Variants in TMEM132D observed in about 807,000 individuals in gnomAD.
The protein encoded by TMEM132D is mature OL transmembrane protein.
In TMEM132D, 21 loss-of-function variants were observed where a neutral mutation model predicts 62.3. The observed-to-expected ratio is 0.34, with a 90% CI of 0.24 to 0.49. The LOEUF (loss-of-function observed/expected upper bound fraction) is 0.49. Ranked by LOEUF, TMEM132D falls within the 20% of genes least tolerant of loss-of-function variation. TMEM132D has a pLI of 0.99. For synonymous variants in TMEM132D, 621 were observed against 575.6 expected (o/e 1.08, Z -1.13); for missense variants, 1,346 against 1,402.8 (o/e 0.96, Z 0.65).
At chr12:129,734,350 CAA>C (rs1261729375) in intron 1 of TMEM132D, among the ~76,000 whole-genome samples, 1 of 152,134 alleles carries the variant, frequency 6.6e-6, no homozygotes, top group African/African-American at 2.4e-5. Context: ...CTCCTTTAAC[CAA>C]AATCCTACTC....
chr12:129,318,740 G>A (rs1868572959), intron 4 of TMEM132D, among the ~76,000 whole-genome samples: 1 of 152,148 alleles, frequency 6.6e-6, no homozygotes, highest in South Asian at 2.1e-4. Flanking sequence ...TTAGGTGGGG[G>A]CAGGGCTAGG....
chr12:129,427,118 A>G (rs755917304), intron 3 of TMEM132D, among the ~76,000 whole-genome samples: 2 of 152,182 alleles, frequency 1.3e-5, no homozygotes, highest in East Asian at 1.9e-4. Flanking sequence ...TCAGTGCTCA[A>G]ATATACTCTT....
chr12:129,507,531 G>A (rs1398693265), intron 3 of TMEM132D, among the ~76,000 whole-genome samples: 3 of 152,182 alleles, frequency 2.0e-5, no homozygotes, highest in Admixed American at 6.5e-5. Context: ...TCAGCCATAA[G>A]AAGTAATGAA....
intron 2 of TMEM132D, among the ~76,000 whole-genome samples, chr12:129,602,734 C>T (rs999368995): frequency 6.6e-6 from 1 of 152,166 alleles, no homozygotes; most frequent in African/African-American, 2.4e-5. Context: ...TTATCACCAT[C>T]CCCCACCAGA....
intron 1 of TMEM132D, among the ~76,000 whole-genome samples, chr12:129,785,900 C>T (rs151283031): frequency 6.6e-6 from 1 of 152,062 alleles, no homozygotes; most frequent in East Asian, 1.9e-4. Flanking sequence ...TCAGATAAAA[C>T]ATAATTTTAT....
intron 5 of TMEM132D, among the ~76,000 whole-genome samples, chr12:129,138,350 C>T (rs1006628297): frequency 1.3e-5 from 2 of 152,190 alleles, no homozygotes; most frequent in African/African-American, 4.8e-5. Context: ...CAAGGACCTT[C>T]AATTTGCAAA....
intron 1 of TMEM132D, among the ~76,000 whole-genome samples, chr12:129,712,787 G>C (rs1363535703): frequency 6.6e-6 from 1 of 152,148 alleles, no homozygotes; most frequent in South Asian, 2.1e-4. Flanking sequence ...TGTGGGCTGC[G>C]TCCTCTCCTT....
chr12:129,243,152 G>C (rs1879980729), intron 4 of TMEM132D, among the ~76,000 whole-genome samples: 1 of 152,166 alleles, frequency 6.6e-6, no homozygotes, highest in African/African-American at 2.4e-5. Context: ...ATATACTTTA[G>C]CCTTCTCAGG....
intron 5 of TMEM132D, among the ~76,000 whole-genome samples, chr12:129,131,295 A>G (rs1312252770): frequency 6.6e-6 from 1 of 152,194 alleles, no homozygotes; most frequent in Non-Finnish European, 1.5e-5. Flanking sequence ...TTGTTGGAGA[A>G]AACAAACAAC....
At chr12:129,735,271 G>A (rs1325804363) in intron 1 of TMEM132D, among the ~76,000 whole-genome samples, 1 of 152,132 alleles carries the variant, frequency 6.6e-6, no homozygotes, top group Non-Finnish European at 1.5e-5. Flanking sequence ...AACTTCACCT[G>A]TCCTGCTCAA....
intron 5 of TMEM132D, among the ~76,000 whole-genome samples, chr12:129,137,989 C>G (rs1240111175): frequency 6.6e-6 from 1 of 152,060 alleles, no homozygotes; most frequent in African/African-American, 2.4e-5. Context: ...ACAAATAAAG[C>G]TCTCTTCTGC....
rs561945321 is a variant in TMEM132D, at chr12:129,203,965, G to C, written c.1443+5555C>G. 7.7e-4 allele frequency among the ~76,000 whole-genome samples: 117 copies of C among 152,254 alleles called. 2 individuals are homozygous for C. The highest frequency in any genetic ancestry group is 3.7e-3 in the South Asian group (18 of 4,824). ...AGACTAGAATTGAAGCCAGTCAACC[G>C]AACCCACCTTATGCCATAATCAAAC... On this transcript the variant is annotated intron_variant, in intron 5 of 8. Coordinates refer to ENST00000422113, the MANE Select transcript of TMEM132D (RefSeq NM_133448.3).
chr12:129,722,768 C>G, intron 1 of TMEM132D, among the ~76,000 whole-genome samples: 1 of 136,044 alleles, frequency 7.4e-6, no homozygotes. Context: ...GAGATGGGGT[C>G]TTGCTCTGTC....
At chr12:129,197,327 T>C (rs1458265713) in intron 5 of TMEM132D, among the ~76,000 whole-genome samples, 1 of 152,150 alleles carries the variant, frequency 6.6e-6, no homozygotes, top group African/African-American at 2.4e-5. Context: ...TTCTAGAAGA[T>C]GAGCGATAGA....
Position 129,092,682 on chromosome 12 carries a change from G to C in TMEM132D, c.1444-7980C>G, listed in dbSNP as rs547934621. Among the ~76,000 whole-genome samples, 9 of 152,262 alleles carry C rather than the reference G, an allele frequency of 5.9e-5. No individual in the cohort carries two copies. In the South Asian group the frequency reaches 1.9e-3, roughly 32 times the overall value. On this transcript the variant is annotated intron_variant, in intron 5 of 8. Transcript: ENST00000422113. ...TTTTACTCCAGCCTGGGCAACAAGAGCGAAACTATGTCTCAAAAAAGAAAG... is the reference window on the plus strand; with the variant it reads ...TTTTACTCCAGCCTGGGCAACAAGACCGAAACTATGTCTCAAAAAAGAAAG...
At chr12:129,684,914 TGA>T (rs1420183878) in intron 2 of TMEM132D, among the ~76,000 whole-genome samples, 2 of 152,042 alleles carry the variant, frequency 1.3e-5, no homozygotes, top group African/African-American at 4.8e-5. Context: ...ATCTGTGGAT[TGA>T]GAGATTGAAA....
chr12:129,471,579 C>T (rs1029319301), intron 3 of TMEM132D, among the ~76,000 whole-genome samples: 8 of 152,286 alleles, frequency 5.3e-5, no homozygotes, highest in Admixed American at 4.6e-4. Context: ...ACAATGGCCT[C>T]TAAGTGTTCC....
chr12:129,622,442 T>G (rs1270152534), intron 2 of TMEM132D, among the ~76,000 whole-genome samples: 1 of 152,132 alleles, frequency 6.6e-6, no homozygotes, highest in Non-Finnish European at 1.5e-5. Flanking sequence ...GGATAAATTT[T>G]GGGGAACGTA....
At chr12:129,652,034 G>A (rs1879941735) in intron 2 of TMEM132D, among the ~76,000 whole-genome samples, 1 of 152,186 alleles carries the variant, frequency 6.6e-6, no homozygotes, top group South Asian at 2.1e-4. Context: ...TTACCTGTGA[G>A]AACTAAAGCG....
Sources: gnomAD v4.1 joint callset for allele counts (sites outside exome capture counted in the v4.1 genomes callset) on GRCh38, gnomAD v4.1.1 for gene constraint, MANE v1.5 for transcripts, NCBI Gene and HGNC (gene_info 2026-07-23, HGNC 2026-07-21) for gene names.